The following TARM1 variants were observed in gnomAD, a reference collection of about 807,000 sequenced individuals.
TARM1 encodes the protein T-cell-interacting, activating receptor on myeloid cells protein 1.
In TARM1, 24 loss-of-function variants were observed where a neutral mutation model predicts 30.4. The ratio of observed to expected loss-of-function variants is 0.79; its 90% confidence interval spans 0.57 to 1.11. The LOEUF is 1.11. TARM1 is among the 50% of genes least tolerant of loss of function. The pLI, the probability that TARM1 is intolerant of heterozygous loss-of-function variation, is 0.00. For missense variants in TARM1, 323 were observed against 332.8 expected (o/e 0.97, Z 0.23); for synonymous variants, 129 against 138.9 (o/e 0.93, Z 0.50).
intron 4 of TARM1, 103 bp downstream of exon 4, chr19:54,073,817 C>T: frequency 7.3e-7 from 1 of 1,376,192 alleles, no homozygotes; most frequent in South Asian, 1.4e-5. Flanking sequence ...TTGTTAAGAG[C>T]GATGATATTG....
chr19:54,074,355 C>T (rs1242874517), intron 3 of TARM1, 139 bp from the exon 4 acceptor site: 5 of 831,792 alleles, frequency 6.0e-6, no homozygotes, highest in South Asian at 1.8e-5. Context: ...CCACTTCCTA[C>T]TCCGACCCCA....
chr19:54,072,963 G>A (rs2071848131), intron 4 of TARM1, among the ~76,000 whole-genome samples: 1 of 152,044 alleles, frequency 6.6e-6, no homozygotes, highest in East Asian at 1.9e-4. Context: ...GGGCAACAGA[G>A]CGAGACTCTG....
chr19:54,079,555 G>A (rs1487594326), intron 1 of TARM1, among the ~76,000 whole-genome samples: 1 of 151,816 alleles, frequency 6.6e-6, no homozygotes, highest in Non-Finnish European at 1.5e-5. Context: ...GCCAGGATGG[G>A]AGAAAAAGGT....
At chr19:54,073,836 G>T in intron 4 of TARM1, 84 bp downstream of exon 4, 1 of 1,440,878 alleles carries the variant, frequency 6.9e-7, no homozygotes. Context: ...TGTAAGTAAT[G>T]AAGAAATGAG....
intron 4 of TARM1, among the ~76,000 whole-genome samples, chr19:54,072,746 G>C (rs1328836738): frequency 1.3e-5 from 2 of 152,126 alleles, no homozygotes; most frequent in African/African-American, 2.4e-5. Flanking sequence ...GGAGGCCGAG[G>C]TGAGCGGATC....
At chr19:54,077,703 T>G (rs2071991181) in intron 1 of TARM1, among the ~76,000 whole-genome samples, 4 of 151,446 alleles carry the variant, frequency 2.6e-5, no homozygotes. Context: ...CACAGTGTGC[T>G]CTATATATTC....
intron 2 of TARM1, 61 bp downstream of exon 2, chr19:54,075,822 A>C: frequency 8.0e-6 from 12 of 1,505,976 alleles, no homozygotes; most frequent in Non-Finnish European, 1.1e-5. Flanking sequence ...GGGAAGGGGA[A>C]GAGAACAGCA....
chr19:54,078,915 G>A (rs1488810480), intron 1 of TARM1, among the ~76,000 whole-genome samples: 1 of 151,800 alleles, frequency 6.6e-6, no homozygotes, highest in African/African-American at 2.4e-5. Flanking sequence ...AAGAACAAGT[G>A]TTATGATTCC....
chr19:54,075,289 G>T (rs2071921482), intron 2 of TARM1, among the ~76,000 whole-genome samples, 175 bp from the exon 3 acceptor site: 1 of 151,876 alleles, frequency 6.6e-6, no homozygotes, highest in Non-Finnish European at 1.5e-5. Context: ...CTGGGTTAAA[G>T]CAATTCTCCT....
intron 4 of TARM1, among the ~76,000 whole-genome samples, chr19:54,073,677 G>A (rs2071869082): frequency 6.6e-6 from 1 of 151,766 alleles, no homozygotes; most frequent in South Asian, 2.1e-4. Flanking sequence ...ATTTTTAGTA[G>A]AGACGGGGTT....
In TARM1 at chr19:54,072,145, C is replaced by T. The variant is rs1028023487; in HGVS notation, c.658+1775G>A. On this transcript the variant is annotated intron_variant, in intron 4 of 4. Coordinates refer to ENST00000432826, the MANE Select transcript of TARM1 (RefSeq NM_001135686.3). The stretch of plus-strand genomic sequence containing the variant: ...CAGAGGTTTCATTGAGCCGAGATCG[C>T]GCCACTGCACTCCAGCCTGGGCAAC... Among the ~76,000 whole-genome samples the T allele has an allele frequency of 5.3e-5, 8 of 151,286 alleles. No homozygotes were observed. The South Asian group carries it at 6.3e-4, about 12-fold the overall frequency.
rs2071956353 is a variant in TARM1 at position 54,076,380 on chromosome 19, A to G, written c.35-462T>C. 6 of 146,094 alleles carry G rather than the reference A, an allele frequency of 4.1e-5. No homozygotes were observed. The East Asian group carries it at 1.6e-3, about 40-fold the overall frequency. 9.0% of individuals were successfully genotyped at this position (146,094 alleles called of 1,614,324 possible). A position where few individuals can be genotyped will look rare whatever the true frequency, so the allele number is the denominator to read the frequency against. On this transcript the variant is annotated intron_variant, in intron 1 of 4. Coordinates refer to ENST00000432826, the MANE Select transcript of TARM1 (RefSeq NM_001135686.3). ...ATTCTTTCTTTCTTTCATTCATTCC[A>G]GAGACAGAGTTGCGCTCTGTCGCCC...
chr19:54,076,050 C>T, intron 1 of TARM1, 132 bp from the exon 2 acceptor site: 1 of 1,435,864 alleles, frequency 7.0e-7, no homozygotes, highest in Non-Finnish European at 9.3e-7. Flanking sequence ...CAGGAGTTCT[C>T]ATTCTCCCCA....
At chr19:54,080,479 A>AGG (rs2072096889) in intron 1 of TARM1, among the ~76,000 whole-genome samples, 1 of 118,486 alleles carries the variant, frequency 8.4e-6, no homozygotes, top group East Asian at 2.7e-4. Context: ...AAAGAAAGAG[A>AGG]GAGAGAGGAA....
intron 3 of TARM1, 60 bp from the exon 4 acceptor site, chr19:54,074,276 C>A: frequency 6.8e-7 from 1 of 1,463,138 alleles, no homozygotes; most frequent in South Asian, 1.3e-5. Context: ...CCACTCACCC[C>A]TGTTCTCCTG....
chr19:54,078,913 G>A (rs1418950142), intron 1 of TARM1, among the ~76,000 whole-genome samples: 5 of 151,862 alleles, frequency 3.3e-5, no homozygotes, highest in Non-Finnish European at 5.9e-5. Flanking sequence ...AAAAGAACAA[G>A]TGTTATGATT....
intron 1 of TARM1, among the ~76,000 whole-genome samples, chr19:54,077,097 A>C (rs1036802174): frequency 6.6e-6 from 1 of 152,008 alleles, no homozygotes; most frequent in Admixed American, 6.6e-5. Flanking sequence ...AGAACTCTTG[A>C]CCATGCCGGG....
intron 1 of TARM1, among the ~76,000 whole-genome samples, chr19:54,079,690 A>G (rs1303449035): frequency 6.6e-6 from 1 of 151,836 alleles, no homozygotes; most frequent in African/African-American, 2.4e-5. Flanking sequence ...CGTCTCTACA[A>G]AAAATTTAAA....
At chr19:54,080,533 A>AG (rs1291433646) in intron 1 of TARM1, among the ~76,000 whole-genome samples, 3 of 147,454 alleles carry the variant, frequency 2.0e-5, no homozygotes, top group Admixed American at 1.4e-4. Flanking sequence ...GAAGGAAGGA[A>AG]GGAAGGAAGG....
Sources: gnomAD v4.1 joint callset for allele counts (sites outside exome capture counted in the v4.1 genomes callset) on GRCh38, gnomAD v4.1.1 for gene constraint, MANE v1.5 for transcripts, NCBI Gene and HGNC (gene_info 2026-07-23, HGNC 2026-07-21) for gene names.